Variants in SNX18 observed in about 807,000 individuals in gnomAD.
SNX18 encodes sorting nexin-18.
A neutral mutation model predicts 48.7 loss-of-function variants in SNX18; 35 were observed. That is an observed-to-expected ratio of 0.72 (90% CI 0.55 to 0.95). SNX18 has a LOEUF of 0.95. SNX18 is among the 40% of genes least tolerant of loss of function. SNX18 has a pLI of 0.00. For missense variants in SNX18, 824 were observed against 871.0 expected (o/e 0.95, Z 0.68); for synonymous variants, 492 against 384.7 (o/e 1.28, Z -3.26).
At chr5:54,628,295 G>A in the SNX18 span, among the ~76,000 whole-genome samples, 1 of 152,196 alleles carries the variant, frequency 6.6e-6, no homozygotes, top group Non-Finnish European at 1.5e-5. Context: ...GAGGTCATCT[G>A]CAGTGACCCA....
At chr5:54,559,210 C>G in the SNX18 span, among the ~76,000 whole-genome samples, 18 of 152,222 alleles carry the variant, frequency 1.2e-4, no homozygotes, top group African/African-American at 4.1e-4. Flanking sequence ...CTTCACAGAA[C>G]TAGATAAAAC....
At chr5:54,576,358 A>G in the SNX18 span, among the ~76,000 whole-genome samples, 1 of 152,252 alleles carries the variant, frequency 6.6e-6, no homozygotes, top group African/African-American at 2.4e-5. Flanking sequence ...AGGCTATGGT[A>G]CGTGGCAGGT....
chr5:54,634,513 T>C, the SNX18 span, among the ~76,000 whole-genome samples: 2 of 152,120 alleles, frequency 1.3e-5, no homozygotes, highest in Admixed American at 6.5e-5. Context: ...TTCTAAAACA[T>C]TACGAAATTT....
At chr5:54,575,499 G>A in the SNX18 span, among the ~76,000 whole-genome samples, 3 of 151,132 alleles carry the variant, frequency 2.0e-5, no homozygotes, top group South Asian at 6.3e-4. Flanking sequence ...AGCCTCCCGA[G>A]TAGCTGAGAT....
Position 54,518,698 on chromosome 5 carries a change from C to T in SNX18, c.746C>T (p.Ser249Leu). ...GAGGCCTTCGTGCTGGGGGAGGCGT[C>T]AGGCTTCGTGAAGGACGGGGACAAG... ...GGEAFVLGEA[S>L]GFVKDGDKLC... Residue 249 changes from serine to leucine, a missense_variant, in exon 1 of 2, where the codon TCA (serine) becomes TTA (leucine). Ser to Leu is a moderately radical substitution (Grantham distance 145). Coordinates refer to ENST00000381410, the MANE Select transcript of SNX18 (RefSeq NM_001102575.2). The T allele has an allele frequency of 6.3e-7, 1 of 1,580,072 alleles. No homozygotes were observed. The highest frequency in any genetic ancestry group is 8.6e-7 in the Non-Finnish European group (1 of 1,163,928).
At chr5:54,523,116 G>A (rs897129491) in intron 1 of SNX18, among the ~76,000 whole-genome samples, 1 of 152,148 alleles carries the variant, frequency 6.6e-6, no homozygotes, top group African/African-American at 2.4e-5. Context: ...TCCCTGACTA[G>A]GCAGTGTGCA....
chr5:54,596,778 C>G, the SNX18 span, among the ~76,000 whole-genome samples: 3 of 152,196 alleles, frequency 2.0e-5, no homozygotes, highest in Non-Finnish European at 2.9e-5. Context: ...AGCATTGCAG[C>G]CATCAGAATG....
In SNX18 at chr5:54,517,923, G is replaced by C. The variant is rs1450934341; in HGVS notation, c.-30G>C. On this transcript the variant is annotated 5_prime_UTR_variant, in exon 1 of 2. Transcript: ENST00000381410. ...TGGGCCTCGGCTCGGGACGCCGGGA[G>C]TCGGGACCGCCAGTCGGGGCGCCGG... 1 of 1,485,730 alleles carries C rather than the reference G, an allele frequency of 6.7e-7. No individual in the cohort carries two copies. The highest frequency in any genetic ancestry group is 1.5e-5 in the African/African-American group (1 of 68,258). The allele number at this position is 1,485,730 out of a possible 1,614,324, so 92.0% of individuals were successfully genotyped here. A position where few individuals can be genotyped will look rare whatever the true frequency, so the allele number is the denominator to read the frequency against.
At chr5:54,548,890 G>T (rs1159454890), downstream of SNX18, among the ~76,000 whole-genome samples, 1 of 152,134 alleles carries the variant, frequency 6.6e-6, no homozygotes, top group Non-Finnish European at 1.5e-5. Context: ...ATCTGTAGAT[G>T]CTCAAGTCAT....
chr5:54,527,987 T>A (rs1398204032), intron 1 of SNX18, among the ~76,000 whole-genome samples: 1 of 152,166 alleles, frequency 6.6e-6, no homozygotes, highest in African/African-American at 2.4e-5. Flanking sequence ...GTCTTAGAGT[T>A]TTGTGTTTAT....
chr5:54,624,061 C>T, the SNX18 span, among the ~76,000 whole-genome samples: 4 of 152,170 alleles, frequency 2.6e-5, no homozygotes, highest in Non-Finnish European at 4.4e-5. Context: ...TATCCAGTAG[C>T]GCATTGAGCA....
chr5:54,637,827 G>A, the SNX18 span, among the ~76,000 whole-genome samples: 1 of 152,210 alleles, frequency 6.6e-6, no homozygotes, highest in African/African-American at 2.4e-5. Flanking sequence ...CTTGCAAACG[G>A]CTTCTCTTTC....
intron 1 of SNX18, among the ~76,000 whole-genome samples, chr5:54,533,420 C>T (rs1316066484): frequency 1.3e-5 from 2 of 152,130 alleles, no homozygotes; most frequent in Admixed American, 1.3e-4. Context: ...GTGGGTTGCT[C>T]ATCCCTATGT....
chr5:54,617,362 AAAC>A, the SNX18 span, among the ~76,000 whole-genome samples: 2 of 152,232 alleles, frequency 1.3e-5, no homozygotes, highest in East Asian at 1.9e-4. Flanking sequence ...TTCCACAGGA[AAAC>A]AACAAGTGAA....
At chr5:54,581,759 T>C in the SNX18 span, among the ~76,000 whole-genome samples, 21 of 152,330 alleles carry the variant, frequency 1.4e-4, no homozygotes, top group Admixed American at 1.0e-3. Flanking sequence ...AATCATCCTC[T>C]TTATCAAAGT....
At chr5:54,533,379 A>G (rs763229393) in intron 1 of SNX18, among the ~76,000 whole-genome samples, 56 of 152,172 alleles carry the variant, frequency 3.7e-4, no homozygotes, top group Non-Finnish European at 3.4e-4. Flanking sequence ...GAATCCATGC[A>G]GGAATAGTAT....
At chr5:54,581,668 T>C in the SNX18 span, among the ~76,000 whole-genome samples, 1 of 152,150 alleles carries the variant, frequency 6.6e-6, no homozygotes, top group Non-Finnish European at 1.5e-5. Context: ...TACTTCCCTT[T>C]AGCGAATGTA....
At chr5:54,538,663 A>G (rs1404816548) in intron 1 of SNX18, among the ~76,000 whole-genome samples, 2 of 152,196 alleles carry the variant, frequency 1.3e-5, no homozygotes, top group Non-Finnish European at 2.9e-5. Flanking sequence ...ATAAGAGTCA[A>G]CTTTTTTTAT....
chr5:54,590,788 G>T, the SNX18 span, among the ~76,000 whole-genome samples: 1 of 152,198 alleles, frequency 6.6e-6, no homozygotes, highest in African/African-American at 2.4e-5. Context: ...CACGGCTAGT[G>T]TGTAATCCGT....
Sources: allele counts gnomAD v4.1 joint callset (sites outside exome capture counted in the v4.1 genomes callset), GRCh38; gene constraint gnomAD v4.1.1; transcripts MANE v1.5; gene names NCBI Gene and HGNC (gene_info 2026-07-23, HGNC 2026-07-21).